The following SUGCT variants were observed in gnomAD, a reference collection of about 807,000 sequenced individuals.
SUGCT encodes succinyl-CoA:glutarate CoA-transferase.
A neutral mutation model predicts 55.0 loss-of-function variants in SUGCT; 41 were observed. That is an observed-to-expected ratio of 0.74 (90% confidence interval 0.58 to 0.97). The LOEUF is 0.97. Among genes scored for constraint, SUGCT ranks in the 50% least tolerant of loss-of-function variants. SUGCT has a pLI of 0.00. For missense variants in SUGCT, 568 were observed against 547.8 expected (o/e 1.04, Z -0.37); for synonymous variants, 187 against 200.4 (o/e 0.93, Z 0.56).
chr7:40,294,721 A>G (rs1281592703), intron 8 of SUGCT, among the ~76,000 whole-genome samples: 1 of 151,720 alleles, frequency 6.6e-6, no homozygotes, highest in Admixed American at 6.6e-5. Context: ...TAGTTTTTGT[A>G]CTTTTAGTAG....
At chr7:40,267,606 T>C (rs1791682951) in intron 7 of SUGCT, among the ~76,000 whole-genome samples, 1 of 152,086 alleles carries the variant, frequency 6.6e-6, no homozygotes, top group African/African-American at 2.4e-5. Flanking sequence ...AGGGAGACAT[T>C]GTTTAGTACT....
intron 13 of SUGCT, among the ~76,000 whole-genome samples, chr7:40,800,101 T>G (rs1790735955): frequency 6.6e-6 from 1 of 152,098 alleles, no homozygotes; most frequent in African/African-American, 2.4e-5. Context: ...GTGTAAAGAT[T>G]TATTCTTGCC....
chr7:40,885,509 T>C, the SUGCT span, among the ~76,000 whole-genome samples: 1 of 152,290 alleles, frequency 6.6e-6, no homozygotes, highest in East Asian at 1.9e-4. Flanking sequence ...CCTTGTTCCC[T>C]TTCCTGGATC....
intron 6 of SUGCT, among the ~76,000 whole-genome samples, chr7:40,204,293 C>A (rs7790445): frequency 0.038 from 5,667 of 150,686 alleles, 335 homozygotes; most frequent in African/African-American, 0.13. Context: ...CTGTGCCCAG[C>A]CTACTTGGGA....
chr7:40,461,925 CA>C (rs1200099773), intron 11 of SUGCT, among the ~76,000 whole-genome samples: 2 of 152,160 alleles, frequency 1.3e-5, no homozygotes, highest in Non-Finnish European at 2.9e-5. Flanking sequence ...AAATGGGATT[CA>C]AAAGGCTACA....
At chr7:40,549,592 G>A (rs533331067) in intron 12 of SUGCT, among the ~76,000 whole-genome samples, 2 of 152,174 alleles carry the variant, frequency 1.3e-5, no homozygotes, top group South Asian at 2.1e-4. Flanking sequence ...TAATGTGGTC[G>A]GAACATAAGG....
At chr7:40,580,106 G>C (rs1209634288) in intron 12 of SUGCT, among the ~76,000 whole-genome samples, 1 of 152,136 alleles carries the variant, frequency 6.6e-6, no homozygotes, top group Non-Finnish European at 1.5e-5. Context: ...GTTTCATCTA[G>C]AGCTTTGTTT....
chr7:40,492,056 C>T, intron 11 of SUGCT, among the ~76,000 whole-genome samples: 1 of 151,866 alleles, frequency 6.6e-6, no homozygotes, highest in East Asian at 1.9e-4. Context: ...GTCACAAGAA[C>T]TCCAGGTAGA....
At chr7:40,399,003 G>T (rs1785913271) in intron 9 of SUGCT, among the ~76,000 whole-genome samples, 1 of 152,120 alleles carries the variant, frequency 6.6e-6, no homozygotes, top group South Asian at 2.1e-4. Context: ...CATCTGACAT[G>T]TCTGATTGCT....
intron 8 of SUGCT, among the ~76,000 whole-genome samples, chr7:40,283,233 CT>C (rs58223100): frequency 1.2e-3 from 179 of 143,872 alleles, no homozygotes; most frequent in Middle Eastern, 7.2e-3. Flanking sequence ...CTTTCTTTTT[CT>C]TTTTTTTTTT....
intron 8 of SUGCT, among the ~76,000 whole-genome samples, chr7:40,299,640 A>G (rs998414718): frequency 3.4e-5 from 4 of 116,066 alleles, no homozygotes; most frequent in East Asian, 5.0e-4. Context: ...TTAAAATACT[A>G]TGTAGGCCAA....
chr7:40,184,582 C>T (rs964850674), intron 3 of SUGCT, among the ~76,000 whole-genome samples: 1 of 152,098 alleles, frequency 6.6e-6, no homozygotes, highest in Non-Finnish European at 1.5e-5. Context: ...ATCCTTCGAC[C>T]TCAGCCTCCC....
At chr7:40,448,032 C>G (rs936827449) in intron 9 of SUGCT, among the ~76,000 whole-genome samples, 3 of 152,102 alleles carry the variant, frequency 2.0e-5, no homozygotes, top group Non-Finnish European at 4.4e-5. Context: ...CCATCGCTGT[C>G]CACAGGAACC....
chr7:40,916,760 G>A, the SUGCT span, among the ~76,000 whole-genome samples: 19 of 152,256 alleles, frequency 1.2e-4, no homozygotes, highest in African/African-American at 4.3e-4. Context: ...CTTTTTGAGG[G>A]TCAGACTGTG....
intron 8 of SUGCT, among the ~76,000 whole-genome samples, chr7:40,285,240 A>G (rs1793245738): frequency 2.0e-5 from 3 of 152,278 alleles, no homozygotes; most frequent in South Asian, 4.1e-4. Context: ...GGAAAGATCT[A>G]TTGATGTTAA....
At chr7:40,485,417 C>CTTTTTTTTTTTTTTTT in intron 11 of SUGCT, among the ~76,000 whole-genome samples, 1 of 74,418 alleles carries the variant, frequency 1.3e-5, no homozygotes, top group Non-Finnish European at 2.4e-5. Flanking sequence ...TATATACATT[C>CTTTTTTTTTTTTTTTT]TTTTTTTTTT....
chr7:40,392,499 G>A (rs1024127815), intron 9 of SUGCT, among the ~76,000 whole-genome samples: 1 of 152,050 alleles, frequency 6.6e-6, no homozygotes, highest in Non-Finnish European at 1.5e-5. Flanking sequence ...GGTTCGGAAA[G>A]CACATCTTAT....
intron 13 of SUGCT, among the ~76,000 whole-genome samples, chr7:40,799,030 G>A (rs1297074222): frequency 6.6e-6 from 1 of 152,118 alleles, no homozygotes; most frequent in Non-Finnish European, 1.5e-5. Context: ...GAATCACTTT[G>A]CTCCGCTGGA....
At chr7:40,462,079 G>A (rs1166797528) in intron 11 of SUGCT, among the ~76,000 whole-genome samples, 4 of 152,214 alleles carry the variant, frequency 2.6e-5, no homozygotes, top group East Asian at 1.9e-4. Context: ...AGAAGTGAAC[G>A]AAACAGACAA....
Sources: gnomAD v4.1 joint callset for allele counts (sites outside exome capture counted in the v4.1 genomes callset) on GRCh38, gnomAD v4.1.1 for gene constraint, MANE v1.5 for transcripts, NCBI Gene and HGNC (gene_info 2026-07-23, HGNC 2026-07-21) for gene names.